The following CLUAP1 variants were observed in gnomAD, a reference collection of about 807,000 sequenced individuals.
The protein encoded by CLUAP1 is clusterin-associated protein 1.
CLUAP1 carries 50 observed loss-of-function variants against 55.0 expected under a neutral mutation model. The observed-to-expected ratio is 0.91, with a 90% confidence interval of 0.72 to 1.15. The LOEUF (loss-of-function observed/expected upper bound fraction) is 1.15. Ranked by LOEUF, CLUAP1 falls within the 50% of genes most tolerant of loss-of-function variation. The pLI, the probability that CLUAP1 is intolerant of heterozygous loss-of-function variation, is 0.00. For synonymous variants in CLUAP1, 195 were observed against 175.4 expected (o/e 1.11, Z -0.88); for missense variants, 530 against 507.6 (o/e 1.04, Z -0.42).
At chr16:3,509,030 G>A (rs1041593157) in intron 4 of CLUAP1, among the ~76,000 whole-genome samples, 6 of 152,056 alleles carry the variant, frequency 3.9e-5, no homozygotes, top group Non-Finnish European at 8.8e-5. Context: ...GCCGAGGTGG[G>A]AGGATCCTTT....
chr16:3,496,873 C>CTTTTTTTTTTTTTTTTTT (rs369156559), upstream of CLUAP1: 2 of 233,632 alleles, frequency 8.6e-6, no homozygotes, highest in African/African-American at 2.5e-5. Context: ...TTTTTCTTTT[C>CTTTTTTTTTTTTTTTTTT]TTTTTTTTTT....
At chr16:3,526,952 G>T (rs191791658) in intron 9 of CLUAP1, among the ~76,000 whole-genome samples, 244 of 152,218 alleles carry the variant, frequency 1.6e-3, no homozygotes, top group Non-Finnish European at 2.7e-3. Context: ...GAGAGGGGCC[G>T]CTCGCTTTGT....
intron 9 of CLUAP1, among the ~76,000 whole-genome samples, 174 bp downstream of exon 9, chr16:3,526,658 A>G (rs2037950034): frequency 3.3e-5 from 5 of 152,062 alleles, no homozygotes; most frequent in Admixed American, 6.5e-5. Flanking sequence ...TTTGAAAAGT[A>G]TAATAAATTA....
At chr16:3,517,698 G>C (rs1031215991) in intron 6 of CLUAP1, among the ~76,000 whole-genome samples, 2 of 152,198 alleles carry the variant, frequency 1.3e-5, no homozygotes, top group African/African-American at 4.8e-5. Flanking sequence ...AGAGATCAAA[G>C]TGAACATCAT....
At chr16:3,530,733 G>C (rs1164140846) in intron 10 of CLUAP1, 58 bp downstream of exon 10, 2 of 1,367,784 alleles carry the variant, frequency 1.5e-6, no homozygotes, top group Non-Finnish European at 2.1e-6. Flanking sequence ...AGAACACCTG[G>C]CCAGGACTGG....
At chr16:3,505,271 C>T (rs923120349) in intron 2 of CLUAP1, among the ~76,000 whole-genome samples, 8 of 152,206 alleles carry the variant, frequency 5.3e-5, no homozygotes, top group Non-Finnish European at 8.8e-5. Context: ...TGGCTCACGC[C>T]TGTAATCCCA....
rs1385896087 is a variant in CLUAP1, at chr16:3,529,630, ATATTATTATATATTATATAT to A, written c.929-931_929-912del. On this transcript the variant is annotated intron_variant, in intron 9 of 11. Transcript: ENST00000576634. ...TATATTATATAATATTATATATTAT[ATATTATTATATATTATATAT>A]TATTATATATTATATATTATTATAT... 3.3e-3 allele frequency among the ~76,000 whole-genome samples: 57 copies of A among 17,306 alleles called. 1 individual carries two copies. The East Asian group carries it at 0.21, about 64-fold the overall frequency. 11.4% of individuals were successfully genotyped at this position (17,306 alleles called of 152,430 possible). A position where few individuals can be genotyped will look rare whatever the true frequency, so the allele number is the denominator to read the frequency against.
At chr16:3,500,662 C>G (rs1313016681), upstream of CLUAP1, among the ~76,000 whole-genome samples, 11 of 152,168 alleles carry the variant, frequency 7.2e-5, no homozygotes, top group Admixed American at 7.2e-4. Flanking sequence ...TGAGCCCCCG[C>G]GCCCAGCCAA....
At chr16:3,534,892 T>C (rs1016764900) in intron 11 of CLUAP1, 8 of 152,302 alleles carry the variant, frequency 5.3e-5, no homozygotes, top group African/African-American at 1.9e-4. Context: ...GGGCCACGTC[T>C]GGGCTAGAGA....
At chr16:3,523,889 A>G (rs1234343912) in intron 8 of CLUAP1, among the ~76,000 whole-genome samples, 3 of 152,132 alleles carry the variant, frequency 2.0e-5, no homozygotes, top group African/African-American at 7.2e-5. Context: ...TCGTTTGAAC[A>G]TGGGAGGAAG....
Position 3,529,590 on chromosome 16 carries a change from T to A in CLUAP1, c.929-978T>A, listed in dbSNP as rs2038036785. Among the ~76,000 whole-genome samples, 2 of 44,788 alleles carry A rather than the reference T, an allele frequency of 4.5e-5. 1 individual carries two copies. The highest frequency in any genetic ancestry group is 2.6e-4 in the African/African-American group (2 of 7,776). The allele number at this position is 44,788 out of a possible 152,430, so 29.4% of individuals were successfully genotyped here. On this transcript the variant is annotated intron_variant, in intron 9 of 11. Coordinates refer to ENST00000576634, the MANE Select transcript of CLUAP1 (RefSeq NM_015041.3). ...ATATTATATATTATATAATATTATATATTATTATATATTATATATTATATA... is the reference window on the plus strand; with the variant it reads ...ATATTATATATTATATAATATTATAAATTATTATATATTATATATTATATA...
chr16:3,504,600 A>C (rs988854878), intron 1 of CLUAP1, 120 bp from the exon 2 acceptor site: 2 of 630,412 alleles, frequency 3.2e-6, no homozygotes, highest in Non-Finnish European at 2.9e-6. Flanking sequence ...AAAGTTGACA[A>C]ATAGTCCCTA....
Position 3,526,043 on chromosome 16 carries a change from C to CA in CLUAP1, c.856-368dup, listed in dbSNP as rs575782793. ...AATCTATACTTTCTTCCTTTGAAAG[C>CA]AGGAGGCCTGTCTCTGCCCTAAAAT... is the stretch of plus-strand genomic sequence containing the variant. On this transcript the variant is annotated intron_variant, in intron 8 of 11. Transcript: ENST00000576634. Among the ~76,000 whole-genome samples the CA allele has an allele frequency of 3.1e-3, 473 of 152,248 alleles. 2 individuals are homozygous for CA. The highest frequency in any genetic ancestry group is 0.02 in the Middle Eastern group (6 of 294).
In CLUAP1 at chr16:3,508,550, C is replaced by T. The variant is rs766360231; in HGVS notation, c.399+82C>T. On this transcript the variant is annotated intron_variant, in intron 4 of 11. Coordinates refer to ENST00000576634, the MANE Select transcript of CLUAP1 (RefSeq NM_015041.3). ...AAGTGGAAGGAGTCTGCTACAGCTC[C>T]GCTGCTTTTCTTCCTCCTCAGCTGA... 2.2e-5 allele frequency: 28 copies of T among 1,273,742 alleles called. 1 individual carries two copies. The highest frequency in any genetic ancestry group is 5.6e-5 in the East Asian group (2 of 35,902). 78.9% of individuals were successfully genotyped at this position (1,273,742 alleles called of 1,614,324 possible).
intron 9 of CLUAP1, 82 bp from the exon 10 acceptor site, chr16:3,530,486 G>T (rs954885447): frequency 4.8e-5 from 44 of 923,520 alleles, no homozygotes; most frequent in Non-Finnish European, 7.5e-5. Flanking sequence ...AATGACTTTT[G>T]CACACAGACC....
In CLUAP1 at chr16:3,536,461, A is replaced by G. The variant is rs1166236836; in HGVS notation, c.*190A>G. 5.4e-6 allele frequency: 3 copies of G among 551,952 alleles called. No individual in the cohort carries two copies. Among genetic ancestry groups the G allele is most frequent in the African/African-American group, 3.7e-5 (2 of 53,430 alleles). 34.2% of individuals were successfully genotyped at this position (551,952 alleles called of 1,614,324 possible). On this transcript the variant is annotated 3_prime_UTR_variant, in exon 12 of 12. Coordinates refer to ENST00000576634, the MANE Select transcript of CLUAP1 (RefSeq NM_015041.3). ...ATGAAGCTTAAATAAGAATTGAAGC[A>G]AATCCCTAAGATTTATTTTTTTCCA...
At chr16:3,512,558 G>A (rs2037650450) in intron 5 of CLUAP1, 80 bp downstream of exon 5, 1 of 1,116,452 alleles carries the variant, frequency 9.0e-7, no homozygotes, top group African/African-American at 1.5e-5. Context: ...TCCCTTTTCA[G>A]TTCTGATTTA....
Position 3,530,574 on chromosome 16 carries a change from A to G in CLUAP1, c.935A>G (p.Asp312Gly). 1 of 1,613,752 alleles carries G rather than the reference A, an allele frequency of 6.2e-7. No homozygotes were observed. The highest frequency in any genetic ancestry group is 8.5e-7 in the Non-Finnish European group (1 of 1,179,760). Reference protein sequence around the residue: ...EKRLLKSGSNDDSDIDIQEDD... With the variant: ...EKRLLKSGSNGDSDIDIQEDD... ...CTGCTTGTGTTCCTGCTAGGTAACG[A>G]TGACTCGGACATAGACATCCAGGAG... is the stretch of plus-strand genomic sequence containing the variant. The change falls in exon 10 of 12, where the codon GAT (aspartate) becomes GGT (glycine). Residue 312 changes from aspartate to glycine, a missense_variant. Coordinates refer to ENST00000576634, the MANE Select transcript of CLUAP1 (RefSeq NM_015041.3).
Position 3,531,383 on chromosome 16 carries a change from G to A in CLUAP1, c.1036+708G>A, listed in dbSNP as rs191859764. Among the ~76,000 whole-genome samples the A allele has an allele frequency of 5.3e-3, 804 of 152,190 alleles. 6 individuals are homozygous for A. Among genetic ancestry groups the A allele is most frequent in the Middle Eastern group, 0.017 (5 of 294 alleles). ...AAAATAAAAAAAAAATTAGTTGGGC[G>A]CAATGGCGGGCGCCCATAGTCCCAG... On this transcript the variant is annotated intron_variant, in intron 10 of 11. Transcript: ENST00000576634.
Sources: allele counts gnomAD v4.1 joint callset (sites outside exome capture counted in the v4.1 genomes callset), GRCh38; gene constraint gnomAD v4.1.1; transcripts MANE v1.5; gene names NCBI Gene and HGNC (gene_info 2026-07-23, HGNC 2026-07-21).